LARGE1: variants seen among roughly 807,000 people sequenced by gnomAD.
LARGE1 encodes xylosyl- and glucuronyltransferase LARGE1.
Under a neutral mutation model 87.6 loss-of-function variants are expected in LARGE1, and 43 were observed. That is an observed-to-expected ratio of 0.49 (90% confidence interval 0.38 to 0.63). The LOEUF (loss-of-function observed/expected upper bound fraction) is 0.63, where lower values mean the gene tolerates loss of function less well. LARGE1 is among the 30% of genes least tolerant of loss of function. The pLI is 0.00. For missense variants in LARGE1, 802 were observed against 1,000.2 expected, an observed-to-expected ratio of 0.80 and a Z score of 2.67; for synonymous variants, 434 against 394.6, an observed-to-expected ratio of 1.10 and a Z score of -1.18.
chr22:33,407,861 A>C (rs2066157473), intron 7 of LARGE1, among the ~76,000 whole-genome samples: 1 of 152,234 alleles, frequency 6.6e-6, no homozygotes, highest in Admixed American at 6.5e-5. Context: ...GTCAATCTAA[A>C]TAATAAGCAG....
the LARGE1 span, among the ~76,000 whole-genome samples, chr22:33,092,777 T>A: frequency 6.6e-6 from 1 of 152,122 alleles, no homozygotes. Flanking sequence ...TCCAGCTCCA[T>A]CCATGTCCCT....
At chr22:33,647,760 AT>A (rs11423137) in intron 3 of LARGE1, among the ~76,000 whole-genome samples, 8 of 150,452 alleles carry the variant, frequency 5.3e-5, no homozygotes, top group South Asian at 4.2e-4. Context: ...CAGGAACTTG[AT>A]TTTTTTTTTC....
intron 2 of LARGE1, among the ~76,000 whole-genome samples, chr22:33,740,490 T>A (rs1472141008): frequency 6.6e-6 from 1 of 152,230 alleles, no homozygotes; most frequent in Non-Finnish European, 1.5e-5. Flanking sequence ...AAGGTCATTA[T>A]CACCTAAGAC....
intron 7 of LARGE1, among the ~76,000 whole-genome samples, chr22:33,423,980 G>A (rs965598511): frequency 2.6e-5 from 4 of 152,192 alleles, no homozygotes; most frequent in African/African-American, 9.6e-5. Flanking sequence ...TGGCTGAAAA[G>A]TCATTCATGG....
chr22:33,799,663 C>G (rs528447752), intron 1 of LARGE1, among the ~76,000 whole-genome samples: 2 of 152,140 alleles, frequency 1.3e-5, no homozygotes, highest in Non-Finnish European at 2.9e-5. Flanking sequence ...GAACTTCCAA[C>G]CTCGGCAATC....
chr22:33,564,886 T>A lies in LARGE1; in HGVS notation c.749A>T (p.Asp250Val), dbSNP rs1239619795. 1 of 1,614,198 alleles carries A rather than the reference T, an allele frequency of 6.2e-7. No individual in the cohort carries two copies. The highest frequency in any genetic ancestry group is 2.2e-5 in the East Asian group (1 of 44,874). The part of the protein sequence containing the change: ...VLDTDITFAT[D>V]IAELWAVFHK... ...GAACACAGCCCACAGCTCTGCAATGTCAGTGGCAAAGGTGATATCCGTGTC... is the reference window on the plus strand; with the variant it reads ...GAACACAGCCCACAGCTCTGCAATGACAGTGGCAAAGGTGATATCCGTGTC... Residue 250 changes from aspartate (D) to valine (V), a missense_variant, in exon 6 of 15, where the codon GAC (aspartate) becomes GTC (valine). Asp to Val is a radical substitution (Grantham distance 152). Around this residue, in one of 2 missense-constraint regions of LARGE1, gnomAD observed 625 missense variants for 841.9 expected, o/e 0.74. Coordinates refer to ENST00000397394, the MANE Select transcript of LARGE1 (RefSeq NM_133642.5).
At chr22:33,728,541 C>A (rs571554142) in intron 2 of LARGE1, among the ~76,000 whole-genome samples, 1 of 130,766 alleles carries the variant, frequency 7.6e-6, no homozygotes, top group South Asian at 2.6e-4. Flanking sequence ...TCCGTCTCCA[C>A]CCCTACCACC....
chr22:33,349,163 T>C (rs1308618114), intron 9 of LARGE1, among the ~76,000 whole-genome samples: 1 of 152,190 alleles, frequency 6.6e-6, no homozygotes, highest in Non-Finnish European at 1.5e-5. Context: ...AACCATCAGC[T>C]TCCTTGGTTC....
intron 6 of LARGE1, among the ~76,000 whole-genome samples, chr22:33,472,935 G>A (rs2068909295): frequency 6.6e-6 from 1 of 152,168 alleles, no homozygotes; most frequent in Non-Finnish European, 1.5e-5. Flanking sequence ...CATGTGTAAA[G>A]GAATTCTGTT....
intron 2 of LARGE1, among the ~76,000 whole-genome samples, chr22:33,708,918 G>A (rs895824715): frequency 7.2e-5 from 11 of 152,104 alleles, no homozygotes; most frequent in East Asian, 3.9e-4. Context: ...TTTCTTCTGC[G>A]GCCTCTCCTT....
At chr22:33,089,321 TTTCTTCTTCTTCTTCTTC>T in the LARGE1 span, among the ~76,000 whole-genome samples, 4 of 87,046 alleles carry the variant, frequency 4.6e-5, no homozygotes, top group Admixed American at 2.4e-4. Flanking sequence ...TTCTTTCTTC[TTTCTTCTTCTTCTTCTTC>T]TTCTTCTTCT....
intron 5 of LARGE1, among the ~76,000 whole-genome samples, chr22:33,579,141 C>T (rs1336597878): frequency 6.6e-6 from 1 of 152,120 alleles, no homozygotes; most frequent in East Asian, 1.9e-4. Flanking sequence ...CTTGAATTCC[C>T]AGGTGTTGTG....
At chr22:33,342,325 G>T (rs1373872852) in intron 9 of LARGE1, among the ~76,000 whole-genome samples, 1 of 152,148 alleles carries the variant, frequency 6.6e-6, no homozygotes, top group Non-Finnish European at 1.5e-5. Flanking sequence ...AGAAGGGCTG[G>T]CCTATGGACC....
chr22:33,070,945 G>A, the LARGE1 span, among the ~76,000 whole-genome samples: 17 of 152,220 alleles, frequency 1.1e-4, no homozygotes, highest in Middle Eastern at 3.4e-3. Context: ...AGAGCTGGGC[G>A]TGATGTGATC....
At chr22:33,519,129 A>G (rs941717974) in intron 6 of LARGE1, among the ~76,000 whole-genome samples, 1 of 152,230 alleles carries the variant, frequency 6.6e-6, no homozygotes, top group African/African-American at 2.4e-5. Flanking sequence ...TCTCATGGAT[A>G]TGCTCAAGCT....
rs116323524 is a variant in LARGE1 at position 33,206,399 on chromosome 22, A to G, written c.1731-39567T>C. Among the ~76,000 whole-genome samples, 168 of 152,134 alleles carry G rather than the reference A, an allele frequency of 1.1e-3. 1 individual carries two copies. The highest frequency in any genetic ancestry group is 3.9e-3 in the African/African-American group (163 of 41,496). ...GAGCCACCGTGACTGACCAAATTGC[A>G]TGACTTTTTTTTTCCATTTTGCCAT... On this transcript the variant is annotated intron_variant, in intron 11 of 11. Coordinates refer to the LARGE1 transcript ENST00000608642.
chr22:33,545,478 G>A (rs1477566609), intron 6 of LARGE1, among the ~76,000 whole-genome samples: 1 of 151,346 alleles, frequency 6.6e-6, no homozygotes, highest in Admixed American at 6.6e-5. Flanking sequence ...GTCTCGCTCT[G>A]TTGCCCAGGC....
intron 11 of LARGE1, among the ~76,000 whole-genome samples, chr22:33,220,504 AAG>A (rs1568978597): frequency 6.6e-6 from 1 of 152,152 alleles, no homozygotes; most frequent in East Asian, 1.9e-4. Context: ...GGTGGAGTGA[AAG>A]GGGAAAAAAA....
chr22:33,825,407 A>G (rs980157536), intron 1 of LARGE1, among the ~76,000 whole-genome samples: 2 of 138,170 alleles, frequency 1.4e-5, no homozygotes, highest in African/African-American at 5.7e-5. Context: ...CATACCCGAG[A>G]CTGGGTAATT....
Sources: gnomAD v4.1 joint callset for allele counts (sites outside exome capture counted in the v4.1 genomes callset) on GRCh38, gnomAD v4.1.1 for gene constraint, gnomAD v4.1.1 regional missense constraint, MANE v1.5 for transcripts, NCBI Gene and HGNC (gene_info 2026-07-23, HGNC 2026-07-21) for gene names.